The following ELOVL6 variants were observed in gnomAD, a reference collection of about 807,000 sequenced individuals.
The protein encoded by ELOVL6 is very long chain fatty acid elongase 6.
In ELOVL6, 8 loss-of-function variants were observed where a neutral mutation model predicts 31.7. The ratio of observed to expected loss-of-function variants is 0.25; its 90% CI spans 0.15 to 0.45. The LOEUF (loss-of-function observed/expected upper bound fraction) is 0.45, where lower values mean the gene tolerates loss of function less well. Among genes scored for constraint, ELOVL6 ranks in the 20% least tolerant of loss-of-function variants. The pLI is 1.00. For missense variants in ELOVL6, 126 were observed against 326.4 expected (o/e 0.39, Z 4.73); for synonymous variants, 101 against 117.7 (o/e 0.86, Z 0.92).
At chr4:110,118,736 T>C (rs1256853375) in intron 1 of ELOVL6, among the ~76,000 whole-genome samples, 1 of 152,198 alleles carries the variant, frequency 6.6e-6, no homozygotes, top group Non-Finnish European at 1.5e-5. Context: ...TCCGAAAATT[T>C]GATATCACCA....
At chr4:110,070,032 C>A (rs1391180269) in intron 2 of ELOVL6, among the ~76,000 whole-genome samples, 1 of 152,146 alleles carries the variant, frequency 6.6e-6, no homozygotes, top group East Asian at 1.9e-4. Flanking sequence ...TAGATGAGAA[C>A]CCTTCTCCTG....
At chr4:110,097,636 G>A (rs1350540867) in intron 2 of ELOVL6, among the ~76,000 whole-genome samples, 1 of 151,938 alleles carries the variant, frequency 6.6e-6, no homozygotes, top group African/African-American at 2.4e-5. Flanking sequence ...TCAGTGTGCT[G>A]GAGATGTTAT....
rs796091557 is a variant in ELOVL6 at position 110,160,113 on chromosome 4, A to C, written c.89+38134T>G. ...TACAACTTACACACACACACACACA[A>C]ACACACACACACACACACAAACACT... On this transcript the variant is annotated intron_variant, in intron 1 of 3. Coordinates refer to ENST00000302274, the MANE Select transcript of ELOVL6 (RefSeq NM_024090.3). 2.2e-4 allele frequency among the ~76,000 whole-genome samples: 33 copies of C among 149,416 alleles called. 2 individuals carry two copies. The East Asian group carries it at 3.9e-3, about 18-fold the overall frequency.
chr4:110,121,089 G>A (rs1757345792), intron 1 of ELOVL6, among the ~76,000 whole-genome samples: 1 of 152,122 alleles, frequency 6.6e-6, no homozygotes, highest in Non-Finnish European at 1.5e-5. Context: ...GCCTGAGCCT[G>A]TAATGGGTGG....
At chr4:110,192,680 C>T (rs1042220494) in intron 1 of ELOVL6, among the ~76,000 whole-genome samples, 7 of 152,184 alleles carry the variant, frequency 4.6e-5, no homozygotes, top group African/African-American at 1.7e-4. Context: ...TTAAAAGATA[C>T]ATGAAAGTTC....
intron 1 of ELOVL6, among the ~76,000 whole-genome samples, chr4:110,143,775 G>A (rs745708660): frequency 6.6e-6 from 1 of 152,190 alleles, no homozygotes; most frequent in Non-Finnish European, 1.5e-5. Flanking sequence ...AGAGGGGCAG[G>A]CCGGGCGCAG....
chr4:110,069,743 A>G (rs530667759), intron 2 of ELOVL6, among the ~76,000 whole-genome samples: 18 of 152,190 alleles, frequency 1.2e-4, no homozygotes, highest in Non-Finnish European at 2.6e-4. Flanking sequence ...CATTTAGGAT[A>G]GTGTTTCTCT....
chr4:110,151,810 T>C (rs1366278499), intron 1 of ELOVL6, among the ~76,000 whole-genome samples: 1 of 152,226 alleles, frequency 6.6e-6, no homozygotes, highest in Non-Finnish European at 1.5e-5. Flanking sequence ...ACTTAATCTC[T>C]TGGTTTCTGA....
chr4:110,101,260 G>A (rs2057695), intron 2 of ELOVL6, among the ~76,000 whole-genome samples: 46,422 of 151,870 alleles, frequency 0.31, 8,110 homozygotes, highest in East Asian at 0.7. Flanking sequence ...GGCTAGTCTC[G>A]GACTCCTGAC....
chr4:110,084,095 T>TC (rs1756032552), intron 2 of ELOVL6, among the ~76,000 whole-genome samples: 1 of 82,254 alleles, frequency 1.2e-5, no homozygotes, highest in African/African-American at 5.3e-5. Context: ...ATATATAACA[T>TC]ATATATGATA....
At chr4:110,116,975 G>A (rs983566589) in intron 1 of ELOVL6, among the ~76,000 whole-genome samples, 2 of 152,012 alleles carry the variant, frequency 1.3e-5, no homozygotes, top group Admixed American at 6.6e-5. Context: ...TTCCTTTGCT[G>A]CTTTCCCTTC....
chr4:110,064,464 CTTTT>C lies in ELOVL6; in HGVS notation c.222-4714_222-4711del, dbSNP rs1026784292. ...GTGTACATTTCTGCACTATTTGACT[CTTTT>C]TTATTTTTTTTAAGTGATAAGATCT... On this transcript the variant is annotated intron_variant, in intron 2 of 3. Transcript: ENST00000302274. Among the ~76,000 whole-genome samples, 10 of 152,016 alleles carry C rather than the reference CTTTT, an allele frequency of 6.6e-5. No homozygotes were observed. The East Asian group carries it at 9.7e-4, about 15-fold the overall frequency.
chr4:110,065,581 G>A (rs908701042), intron 2 of ELOVL6, among the ~76,000 whole-genome samples: 2 of 152,146 alleles, frequency 1.3e-5, no homozygotes, highest in African/African-American at 4.8e-5. Flanking sequence ...CCATAATTGT[G>A]CCACTGCACT....
chr4:110,091,394 T>C (rs980684317), intron 2 of ELOVL6, among the ~76,000 whole-genome samples: 1 of 152,212 alleles, frequency 6.6e-6, no homozygotes, highest in African/African-American at 2.4e-5. Context: ...ATATTCCTTT[T>C]AAAGGCAGAA....
intron 1 of ELOVL6, among the ~76,000 whole-genome samples, chr4:110,153,913 C>T (rs1281591534): frequency 6.6e-6 from 1 of 152,160 alleles, no homozygotes; most frequent in African/African-American, 2.4e-5. Context: ...ACTGCCCTAA[C>T]AGCATTCTTT....
intron 3 of ELOVL6, among the ~76,000 whole-genome samples, chr4:110,058,601 G>A (rs1016131982): frequency 5.9e-5 from 9 of 152,158 alleles, no homozygotes; most frequent in African/African-American, 2.2e-4. Flanking sequence ...AGCTTATATT[G>A]CAGGTGGTTT....
rs189346058 is a variant in ELOVL6, at chr4:110,051,838, T to C, written c.374-76A>G. On this transcript the variant is annotated intron_variant, in intron 3 of 3. Transcript: ENST00000302274. This position sits in a 1 kb window ranked among gnomAD's most constrained non-coding sequence, Gnocchi z 4.8. ...GATGACTTACAGTTTTGTAAGAGGG[T>C]AGACATCCTGAGCTAGGACTGGAGA... The C allele has an allele frequency of 1.6e-6, 2 of 1,263,694 alleles. No homozygotes were observed. The highest frequency in any genetic ancestry group is 1.5e-5 in the African/African-American group (1 of 67,780). The allele number at this position is 1,263,694 out of a possible 1,614,324, so 78.3% of individuals were successfully genotyped here. A position where few individuals can be genotyped will look rare whatever the true frequency, so the allele number is the denominator to read the frequency against.
At chr4:110,192,923 T>C (rs1168153163) in intron 1 of ELOVL6, among the ~76,000 whole-genome samples, 1 of 152,170 alleles carries the variant, frequency 6.6e-6, no homozygotes, top group East Asian at 1.9e-4. Context: ...ATGAGTACAA[T>C]ATAGACACAC....
At chr4:110,105,239 A>G (rs1756852758) in intron 2 of ELOVL6, among the ~76,000 whole-genome samples, 1 of 152,130 alleles carries the variant, frequency 6.6e-6, no homozygotes, top group Admixed American at 6.5e-5. Context: ...TTCTCATCCT[A>G]ACAGATCAAT....
Sources: gnomAD v4.1 joint callset for allele counts (sites outside exome capture counted in the v4.1 genomes callset) on GRCh38, gnomAD v4.1.1 for gene constraint, Gnocchi (gnomAD v3.1) non-coding constraint, MANE v1.5 for transcripts, NCBI Gene and HGNC (gene_info 2026-07-23, HGNC 2026-07-21) for gene names.